Variants in SEC22A observed in about 807,000 individuals in gnomAD.
SEC22A encodes the protein vesicle-trafficking protein SEC22a.
SEC22A carries 22 observed loss-of-function variants against 35.3 expected under a neutral mutation model. The ratio of observed to expected loss-of-function variants is 0.62; its 90% CI spans 0.45 to 0.89. SEC22A has a LOEUF of 0.89. SEC22A is among the 40% of genes least tolerant of loss of function. The pLI is 0.00. For synonymous variants in SEC22A, 119 were observed against 129.5 expected (o/e 0.92, Z 0.55); for missense variants, 354 against 362.5 (o/e 0.98, Z 0.19).
intron 1 of SEC22A, among the ~76,000 whole-genome samples, chr3:123,207,929 T>C (rs1406873966): frequency 1.3e-5 from 2 of 152,194 alleles, no homozygotes; most frequent in Admixed American, 6.6e-5. Flanking sequence ...TTTTAAATAA[T>C]TTTTTTCTGA....
At chr3:123,260,614 A>G (rs1937869826) in intron 6 of SEC22A, among the ~76,000 whole-genome samples, 2 of 152,214 alleles carry the variant, frequency 1.3e-5, no homozygotes, top group African/African-American at 4.8e-5. Flanking sequence ...AAAACGTGTT[A>G]CAGCAAGCAA....
At chr3:123,218,579 G>A (rs1375233430) in intron 2 of SEC22A, among the ~76,000 whole-genome samples, 1 of 152,096 alleles carries the variant, frequency 6.6e-6, no homozygotes, top group Non-Finnish European at 1.5e-5. Context: ...ATTCTACCTG[G>A]CTCTTGAGAA....
chr3:123,262,909 C>T (rs771057986), intron 6 of SEC22A, among the ~76,000 whole-genome samples: 3 of 152,092 alleles, frequency 2.0e-5, no homozygotes, highest in Non-Finnish European at 2.9e-5. Context: ...AGAGATCTTA[C>T]GTACCCTTTA....
chr3:123,229,961 C>A (rs1449459442), intron 4 of SEC22A, among the ~76,000 whole-genome samples: 1 of 151,262 alleles, frequency 6.6e-6, no homozygotes, highest in East Asian at 1.9e-4. Context: ...AAGCAAAGAA[C>A]AAGGGTAAAT....
intron 5 of SEC22A, among the ~76,000 whole-genome samples, chr3:123,252,204 A>G (rs1937622743): frequency 6.6e-6 from 1 of 152,114 alleles, no homozygotes; most frequent in African/African-American, 2.4e-5. Flanking sequence ...CACTAAAGCC[A>G]TTAGTCTTAA....
chr3:123,230,213 G>GTA (rs1559756077), intron 4 of SEC22A, among the ~76,000 whole-genome samples: 1 of 152,060 alleles, frequency 6.6e-6, no homozygotes, highest in African/African-American at 2.4e-5. Context: ...ATAAAACAGT[G>GTA]TATATATAAT....
chr3:123,217,010 G>A (rs1356871887), intron 2 of SEC22A, among the ~76,000 whole-genome samples: 4 of 151,020 alleles, frequency 2.6e-5, no homozygotes, highest in African/African-American at 9.7e-5. Flanking sequence ...ACAATTTTTT[G>A]TAGAGATGGC....
chr3:123,265,464 T>G (rs1221881881), intron 6 of SEC22A, among the ~76,000 whole-genome samples: 3 of 151,782 alleles, frequency 2.0e-5, no homozygotes, highest in Admixed American at 2.0e-4. Flanking sequence ...TTTTTCCCAG[T>G]CAGTTTTTTT....
chr3:123,228,624 C>CATGGG (rs1491361669), intron 4 of SEC22A, among the ~76,000 whole-genome samples: 1 of 150,116 alleles, frequency 6.7e-6, no homozygotes, highest in Non-Finnish European at 1.5e-5. Context: ...ACACTGTGGG[C>CATGGG]ATGGGGTAGA....
At chr3:123,244,512 A>G (rs1432120687) in intron 4 of SEC22A, among the ~76,000 whole-genome samples, 1 of 152,130 alleles carries the variant, frequency 6.6e-6, no homozygotes, top group Non-Finnish European at 1.5e-5. Context: ...GTGACATTTA[A>G]TTTTCTGTTG....
rs958448996 is a variant in SEC22A, at chr3:123,209,888, A to G, written c.182+489A>G. Among the ~76,000 whole-genome samples, 12 of 152,304 alleles carry G rather than the reference A, an allele frequency of 7.9e-5. No individual in the cohort carries two copies. The East Asian group carries it at 2.1e-3, about 27-fold the overall frequency. Reference sequence around the variant, plus strand: ...TGACATTTGAGCAGAGACCTAAAAGATGAGAGAGGAGGTAATTATATGAAG... The same window carrying G: ...TGACATTTGAGCAGAGACCTAAAAGGTGAGAGAGGAGGTAATTATATGAAG... On this transcript the variant is annotated intron_variant, in intron 2 of 6. Coordinates refer to ENST00000492595, the MANE Select transcript of SEC22A (RefSeq NM_012430.5).
At chr3:123,212,022 A>G (rs2108031347) in intron 2 of SEC22A, among the ~76,000 whole-genome samples, 1 of 152,306 alleles carries the variant, frequency 6.6e-6, no homozygotes, top group African/African-American at 2.4e-5. Context: ...TCACCCCTGC[A>G]TTCCAGGGTG....
chr3:123,219,113 T>C (rs1348560750), intron 2 of SEC22A, among the ~76,000 whole-genome samples: 2 of 152,160 alleles, frequency 1.3e-5, no homozygotes, highest in African/African-American at 2.4e-5. Context: ...CAGTTCAGAA[T>C]TGGAGCATTG....
chr3:123,216,791 T>TA (rs1426146244), intron 2 of SEC22A, among the ~76,000 whole-genome samples: 1 of 152,248 alleles, frequency 6.6e-6, no homozygotes, highest in Non-Finnish European at 1.5e-5. Context: ...ATTCATAAGA[T>TA]ATGCTCACTT....
At chr3:123,243,787 A>T (rs1937545332) in intron 4 of SEC22A, 1 of 152,210 alleles carries the variant, frequency 6.6e-6, no homozygotes, top group South Asian at 2.1e-4. Context: ...CTTTGGTTCT[A>T]AGGGGTTTAT....
At chr3:123,209,999 G>T (rs911276010) in intron 2 of SEC22A, among the ~76,000 whole-genome samples, 1 of 152,180 alleles carries the variant, frequency 6.6e-6, no homozygotes, top group Admixed American at 6.5e-5. Flanking sequence ...GAAAACCAGT[G>T]ATCCTGAAGA....
chr3:123,224,048 G>A (rs1369173210), intron 3 of SEC22A, among the ~76,000 whole-genome samples: 2 of 152,154 alleles, frequency 1.3e-5, no homozygotes, highest in African/African-American at 4.8e-5. Context: ...AATAGGGGAT[G>A]GCAAACATTT....
intron 5 of SEC22A, among the ~76,000 whole-genome samples, chr3:123,255,967 A>T (rs1390437744): frequency 1.3e-5 from 2 of 151,092 alleles, no homozygotes; most frequent in Non-Finnish European, 2.9e-5. Flanking sequence ...TACTGTAGGT[A>T]TCATCTCAGT....
chr3:123,265,115 ATTTC>A (rs1453398845), intron 6 of SEC22A, among the ~76,000 whole-genome samples: 2 of 152,166 alleles, frequency 1.3e-5, no homozygotes, highest in Non-Finnish European at 2.9e-5. Flanking sequence ...ACAGACTTTT[ATTTC>A]TTTTCATTCC....
Sources: allele counts gnomAD v4.1 joint callset (sites outside exome capture counted in the v4.1 genomes callset), GRCh38; gene constraint gnomAD v4.1.1; transcripts MANE v1.5; gene names NCBI Gene and HGNC (gene_info 2026-07-23, HGNC 2026-07-21).